CNTN5: variants seen among roughly 807,000 people sequenced by gnomAD.
CNTN5 encodes contactin-5.
In CNTN5, 77 loss-of-function variants were observed where a neutral mutation model predicts 129.1. That is an observed-to-expected ratio of 0.60 (90% CI 0.50 to 0.72). CNTN5 has a LOEUF of 0.72. Ranked by LOEUF, CNTN5 falls within the 30% of genes least tolerant of loss-of-function variation. The pLI is 0.00. For missense variants in CNTN5, 1,478 were observed against 1,328.8 expected (o/e 1.11, Z -1.75); for synonymous variants, 509 against 465.6 (o/e 1.09, Z -1.20).
At chr11:99,250,703 A>G (rs1381330951) in intron 1 of CNTN5, among the ~76,000 whole-genome samples, 1 of 151,878 alleles carries the variant, frequency 6.6e-6, no homozygotes, top group Non-Finnish European at 1.5e-5. Flanking sequence ...ATGACTGATT[A>G]TACTTGTTAT....
chr11:100,095,588 T>A (rs769567826), intron 13 of CNTN5, among the ~76,000 whole-genome samples: 12 of 152,192 alleles, frequency 7.9e-5, no homozygotes, highest in Non-Finnish European at 1.6e-4. Flanking sequence ...TGTAAAAAAT[T>A]GATTTTAGGT....
intron 2 of CNTN5, among the ~76,000 whole-genome samples, chr11:99,391,994 TACTC>T (rs1030056994): frequency 1.3e-5 from 2 of 151,978 alleles, no homozygotes; most frequent in Non-Finnish European, 2.9e-5. Context: ...TAAAGTAAAA[TACTC>T]ACAATGCTGA....
chr11:100,028,546 G>T (rs970879081), intron 9 of CNTN5, among the ~76,000 whole-genome samples: 4 of 152,072 alleles, frequency 2.6e-5, no homozygotes, highest in African/African-American at 7.2e-5. Flanking sequence ...TGAAGCATTT[G>T]CCTATCCTCT....
chr11:99,640,060 G>A (rs1443740017), intron 3 of CNTN5, among the ~76,000 whole-genome samples: 1 of 152,070 alleles, frequency 6.6e-6, no homozygotes, highest in Admixed American at 6.5e-5. Flanking sequence ...GACCACCTCA[G>A]CCTCGATTTT....
chr11:100,263,588 C>A (rs886273870), intron 17 of CNTN5, among the ~76,000 whole-genome samples: 1 of 152,134 alleles, frequency 6.6e-6, no homozygotes, highest in East Asian at 1.9e-4. Flanking sequence ...TTCCTGGATC[C>A]ATTATAACCC....
At chr11:100,041,581 G>C (rs908230995) in intron 9 of CNTN5, among the ~76,000 whole-genome samples, 1 of 152,172 alleles carries the variant, frequency 6.6e-6, no homozygotes, top group Non-Finnish European at 1.5e-5. Flanking sequence ...TGGATACAAG[G>C]ATTTTCTCTG....
At chr11:100,250,651 A>C (rs1447201845) in intron 16 of CNTN5, among the ~76,000 whole-genome samples, 1 of 152,116 alleles carries the variant, frequency 6.6e-6, no homozygotes, top group African/African-American at 2.4e-5. Flanking sequence ...TGTCCCTCTC[A>C]CTAATTATTT....
chr11:100,057,761 T>C (rs952645483), intron 9 of CNTN5, among the ~76,000 whole-genome samples: 1 of 152,000 alleles, frequency 6.6e-6, no homozygotes, highest in Non-Finnish European at 1.5e-5. Flanking sequence ...CTAACCAATA[T>C]GTAGTGTTAT....
chr11:100,294,761 C>A (rs530066953), intron 18 of CNTN5, among the ~76,000 whole-genome samples: 132 of 151,650 alleles, frequency 8.7e-4, no homozygotes, highest in African/African-American at 3.1e-3. Flanking sequence ...AGAACTTTTA[C>A]ACCATAAGCG....
chr11:99,418,175 AAG>A (rs1942743033), intron 2 of CNTN5, among the ~76,000 whole-genome samples: 1 of 152,134 alleles, frequency 6.6e-6, no homozygotes, highest in Non-Finnish European at 1.5e-5. Flanking sequence ...AATAGTAGAG[AAG>A]AATATTGGGA....
intron 13 of CNTN5, among the ~76,000 whole-genome samples, chr11:100,132,057 A>G (rs1466328150): frequency 6.6e-6 from 1 of 152,092 alleles, no homozygotes; most frequent in African/African-American, 2.4e-5. Flanking sequence ...GTAGAAGAAC[A>G]CTGAACGTTT....
At chr11:100,031,761 G>C (rs1481779104) in intron 9 of CNTN5, among the ~76,000 whole-genome samples, 1 of 152,146 alleles carries the variant, frequency 6.6e-6, no homozygotes, top group Non-Finnish European at 1.5e-5. Context: ...TCTTATCTCT[G>C]TATACTGTAC....
chr11:99,401,831 T>G (rs1941826351), intron 2 of CNTN5, among the ~76,000 whole-genome samples: 1 of 140,514 alleles, frequency 7.1e-6, no homozygotes, highest in Admixed American at 7.4e-5. Context: ...ATGTTTAACT[T>G]TACTTGTTGC....
intron 3 of CNTN5, among the ~76,000 whole-genome samples, chr11:99,772,522 A>G (rs1944981354): frequency 1.3e-5 from 2 of 152,032 alleles, no homozygotes; most frequent in Admixed American, 1.3e-4. Context: ...GCTGTTATGT[A>G]ATGTGTACCC....
chr11:99,785,630 T>G (rs1419116450), intron 3 of CNTN5, among the ~76,000 whole-genome samples: 2 of 152,104 alleles, frequency 1.3e-5, no homozygotes, highest in African/African-American at 4.8e-5. Context: ...AGCAGCACAT[T>G]GAAAAGCTTA....
At chr11:99,352,837 T>C (rs1458609103) in intron 2 of CNTN5, among the ~76,000 whole-genome samples, 1 of 152,168 alleles carries the variant, frequency 6.6e-6, no homozygotes, top group Non-Finnish European at 1.5e-5. Context: ...TTGTCGCACT[T>C]GTCAACATCA....
intron 3 of CNTN5, among the ~76,000 whole-genome samples, chr11:99,757,454 T>G (rs1220165200): frequency 6.6e-6 from 1 of 151,920 alleles, no homozygotes; most frequent in African/African-American, 2.4e-5. Flanking sequence ...AATTATAACT[T>G]CATTTTAACT....
intron 2 of CNTN5, among the ~76,000 whole-genome samples, chr11:99,532,113 C>T (rs78538432): frequency 0.014 from 2,175 of 152,048 alleles, 48 homozygotes; most frequent in African/African-American, 0.049. Context: ...AGAAGGGAGG[C>T]TATACCCTGC....
chr11:99,522,597 T>C (rs1947312123), intron 2 of CNTN5, among the ~76,000 whole-genome samples: 1 of 152,182 alleles, frequency 6.6e-6, no homozygotes, highest in African/African-American at 2.4e-5. Flanking sequence ...AGAATATAAA[T>C]AAATTATTTA....
Sources: gnomAD v4.1 joint callset for allele counts (sites outside exome capture counted in the v4.1 genomes callset) on GRCh38, gnomAD v4.1.1 for gene constraint, MANE v1.5 for transcripts, NCBI Gene and HGNC (gene_info 2026-07-23, HGNC 2026-07-21) for gene names.